FUOM: variants seen among roughly 807,000 people sequenced by gnomAD.
The protein encoded by FUOM is protein fucU homolog.
Under a neutral mutation model 18.3 loss-of-function variants are expected in FUOM, and 19 were observed. The observed-to-expected ratio is 1.04, with a 90% CI of 0.73 to 1.53. The LOEUF is 1.53. FUOM is among the 40% of genes most tolerant of loss of function. FUOM has a pLI of 0.00. For missense variants in FUOM, 210 were observed against 200.9 expected, an observed-to-expected ratio of 1.04 and a Z score of -0.27; for synonymous variants, 102 against 87.9, an observed-to-expected ratio of 1.16 and a Z score of -0.90.
intron 5 of FUOM, 22 bp from the exon 6 acceptor site, chr10:133,355,458 C>T: frequency 1.2e-6 from 2 of 1,609,424 alleles, no homozygotes; most frequent in African/African-American, 1.3e-5. Flanking sequence ...CCAAGCCCAG[C>T]ACTGAGCTGG....
intron 4 of FUOM, among the ~76,000 whole-genome samples, chr10:133,356,349 C>T (rs1198791766): frequency 1.3e-5 from 2 of 152,228 alleles, no homozygotes; most frequent in Non-Finnish European, 2.9e-5. Context: ...CCTGAGTCCC[C>T]CAGGCTCCAC....
downstream of FUOM, among the ~76,000 whole-genome samples, chr10:133,353,099 A>T (rs1382142532): frequency 6.6e-6 from 1 of 152,172 alleles, no homozygotes; most frequent in East Asian, 1.9e-4. Flanking sequence ...TGGGCTCCCT[A>T]CAGCAGGAGC....
intron 5 of FUOM, 86 bp downstream of exon 5, chr10:133,355,652 C>T: frequency 6.4e-7 from 1 of 1,553,092 alleles, no homozygotes; most frequent in South Asian, 1.1e-5. Context: ...AGGGTAGGGG[C>T]AGCTCCTGAG....
Position 133,355,285 on chromosome 10 carries a change from C to T in FUOM, c.*85G>A. 1 of 1,460,452 alleles carries T rather than the reference C, an allele frequency of 6.8e-7. No homozygotes were observed. Among genetic ancestry groups the T allele is most frequent in the South Asian group, 1.3e-5 (1 of 77,798 alleles). 90.5% of individuals were successfully genotyped at this position (1,460,452 alleles called of 1,614,324 possible). A position where few individuals can be genotyped will look rare whatever the true frequency, so the allele number is the denominator to read the frequency against. On this transcript the variant is annotated 3_prime_UTR_variant, in exon 6 of 6. Coordinates refer to ENST00000278025, the MANE Select transcript of FUOM (RefSeq NM_001098483.3). ...GGCCAGGGCCCAGGTCTGGGAGCTG[C>T]CACTGGGAGGCCTGTTGTGAGTGGT... is the stretch of plus-strand genomic sequence containing the variant.
chr10:133,356,747 AG>A lies in FUOM; in HGVS notation c.226-10del. The A allele has an allele frequency of 6.4e-7, 1 of 1,564,366 alleles. No homozygotes were observed. Among genetic ancestry groups the A allele is most frequent in the Non-Finnish European group, 8.7e-7 (1 of 1,154,788 alleles). On this transcript the variant is annotated splice_polypyrimidine_tract_variant and intron_variant, in intron 3 of 5. Coordinates refer to ENST00000278025, the MANE Select transcript of FUOM (RefSeq NM_001098483.3). The stretch of plus-strand genomic sequence containing the variant: ...AGCTCCATGACTGCAGCCTAGAGGG[AG>A]GGGTCAGCTCTGGGGCCCTGGGCAC...
chr10:133,357,505 G>A (rs1359884918), intron 1 of FUOM: 2 of 578,542 alleles, frequency 3.5e-6, no homozygotes, highest in South Asian at 3.9e-5. Flanking sequence ...CGAGGCTGTC[G>A]GGTGCTGACC....
In FUOM at chr10:133,357,473, G is replaced by C. The variant is rs1848846987; in HGVS notation, c.86-218C>G. 11 of 608,030 alleles carry C rather than the reference G, an allele frequency of 1.8e-5. No individual in the cohort carries two copies. The East Asian group carries it at 3.1e-4, about 17-fold the overall frequency. The allele number at this position is 608,030 out of a possible 1,614,324, so 37.7% of individuals were successfully genotyped here. A position where few individuals can be genotyped will look rare whatever the true frequency, so the allele number is the denominator to read the frequency against. Reference sequence around the variant, plus strand: ...GGGCAAGGTCCCTGCCTGGGAGGCAGAGAGGCGTCAACAGCTGCCCGCGAG... The same window carrying C: ...GGGCAAGGTCCCTGCCTGGGAGGCACAGAGGCGTCAACAGCTGCCCGCGAG... On this transcript the variant is annotated intron_variant, in intron 1 of 5. Coordinates refer to ENST00000278025, the MANE Select transcript of FUOM (RefSeq NM_001098483.3).
Position 133,355,173 on chromosome 10 carries a change from T to C in FUOM, c.*197A>G. 1 of 621,640 alleles carries C rather than the reference T, an allele frequency of 1.6e-6. No homozygotes were observed. Among genetic ancestry groups the C allele is most frequent in the South Asian group, 2.0e-5 (1 of 50,184 alleles). 38.5% of individuals were successfully genotyped at this position (621,640 alleles called of 1,614,324 possible). ...AGAGCTGGAATTGGACTCTTGAGAC[T>C]GAACGTTTTTCCATCATTTTCACAA... On this transcript the variant is annotated 3_prime_UTR_variant, in exon 6 of 6. Transcript: ENST00000278025.
intron 1 of FUOM, 138 bp from the exon 2 acceptor site, chr10:133,357,393 G>A: frequency 1.2e-6 from 1 of 805,434 alleles, no homozygotes; most frequent in South Asian, 1.6e-5. Flanking sequence ...CGCCCCCACC[G>A]CCGACCGGCC....
downstream of FUOM, among the ~76,000 whole-genome samples, chr10:133,352,955 T>G (rs1848707287): frequency 6.6e-6 from 1 of 152,176 alleles, no homozygotes. Flanking sequence ...AGGTGACCCT[T>G]GGCTCCCAGA....
At chr10:133,357,034 C>G (rs766838181) in intron 2 of FUOM, 21 bp from the exon 3 acceptor site, 3 of 1,548,928 alleles carry the variant, frequency 1.9e-6, no homozygotes, top group South Asian at 2.4e-5. Flanking sequence ...GAGGAGGCAG[C>G]ACTCAGTCTC....
At position 133,355,815 on chromosome 10, in the gene FUOM, G is replaced by T; in HGVS notation, c.325-4C>A. 1 of 1,612,540 alleles carries T rather than the reference G, an allele frequency of 6.2e-7. No homozygotes were observed. The highest frequency in any genetic ancestry group is 8.5e-7 in the Non-Finnish European group (1 of 1,179,618). The stretch of plus-strand genomic sequence containing the variant: ...TCTCTATCTTTGCCAGGGCTCTCTG[G>T]AAGACAAAATGGCAGGGTTGGAGGG... On this transcript the variant is annotated splice_region_variant and splice_polypyrimidine_tract_variant and intron_variant, in intron 4 of 5. Coordinates refer to ENST00000278025, the MANE Select transcript of FUOM (RefSeq NM_001098483.3).
In FUOM at chr10:133,356,821, G is replaced by A. The variant is rs1392777514; in HGVS notation, c.226-83C>T. 3 of 1,447,672 alleles carry A rather than the reference G, an allele frequency of 2.1e-6. No individual in the cohort carries two copies. The African/African-American group carries it at 4.2e-5, about 20-fold the overall frequency. 89.7% of individuals were successfully genotyped at this position (1,447,672 alleles called of 1,614,324 possible). A position where few individuals can be genotyped will look rare whatever the true frequency, so the allele number is the denominator to read the frequency against. On this transcript the variant is annotated intron_variant, in intron 3 of 5. Coordinates refer to ENST00000278025, the MANE Select transcript of FUOM (RefSeq NM_001098483.3). ...ACCATTCGGGACTCCCCTGGTGAGG[G>A]TCAGGGCCCCTTTGGGGACACATGG...
chr10:133,357,903 C>T lies in FUOM; in HGVS notation c.85+20G>A, dbSNP rs1265283652. ...GCCTGTCCCGGGGTGCTCCCCGAGG[C>T]CCCGGCCCGCTGCGCTCACCGATCT... On this transcript the variant is annotated intron_variant, in intron 1 of 5. Coordinates refer to ENST00000278025, the MANE Select transcript of FUOM (RefSeq NM_001098483.3). The T allele has an allele frequency of 5.3e-6, 8 of 1,516,754 alleles. No individual in the cohort carries two copies. The Admixed American group carries it at 8.1e-5, about 15-fold the overall frequency. 94.0% of individuals were successfully genotyped at this position (1,516,754 alleles called of 1,614,324 possible).
chr10:133,357,831 C>T, intron 1 of FUOM, 92 bp downstream of exon 1: 1 of 1,052,074 alleles, frequency 9.5e-7, no homozygotes. Context: ...CACCCCAGGA[C>T]GCGGCCCTTC....
chr10:133,355,138 G>T, downstream of FUOM: 4 of 587,994 alleles, frequency 6.8e-6, no homozygotes, highest in Middle Eastern at 9.1e-4. Context: ...AAACAAGCCT[G>T]CGTGAGAACA....
At position 133,355,395 on chromosome 10, in the gene FUOM, A is replaced by G; in HGVS notation, c.440T>C (p.Val147Ala). ...LYGNLILRKG[V>A]LALNPLL is the part of the protein sequence containing the mutation. ...CTACAGCAGGGGGTTGAGGGCAAGC[A>G]CCCCCTTCCTGAGGATGAGGTTTCC... is the stretch of plus-strand genomic sequence containing the variant. Residue 147 changes from valine (V) to alanine (A), a missense_variant, in exon 6 of 6, where the codon GTG becomes GCG. Coordinates refer to ENST00000278025, the MANE Select transcript of FUOM (RefSeq NM_001098483.3). 1 of 1,608,408 alleles carries G rather than the reference A, an allele frequency of 6.2e-7. No homozygotes were observed. The highest frequency in any genetic ancestry group is 8.5e-7 in the Non-Finnish European group (1 of 1,178,962).
downstream of FUOM, among the ~76,000 whole-genome samples, chr10:133,353,971 T>A (rs950548117): frequency 1.3e-5 from 2 of 152,048 alleles, no homozygotes; most frequent in Non-Finnish European, 2.9e-5. Context: ...TGGCTTTTTT[T>A]TTTTTTTTAA....
downstream of FUOM, among the ~76,000 whole-genome samples, chr10:133,353,182 C>T (rs561935645): frequency 1.9e-4 from 29 of 152,308 alleles, no homozygotes; most frequent in South Asian, 4.6e-3. Context: ...CGTGCATGTG[C>T]TCAGGTGGAA....
Sources: allele counts gnomAD v4.1 joint callset (sites outside exome capture counted in the v4.1 genomes callset), GRCh38; gene constraint gnomAD v4.1.1; transcripts MANE v1.5; gene names NCBI Gene and HGNC (gene_info 2026-07-23, HGNC 2026-07-21).